SSBP3: variants seen among roughly 807,000 people sequenced by gnomAD.
SSBP3 encodes the protein single-stranded DNA-binding protein 3.
SSBP3 carries 5 observed loss-of-function variants against 69.6 expected under a neutral mutation model. The ratio of observed to expected loss-of-function variants is 0.07; its 90% CI spans 0.04 to 0.15. SSBP3 has a LOEUF of 0.15. Ranked by LOEUF, SSBP3 falls within the 10% of genes least tolerant of loss-of-function variation. The pLI is 1.00. For synonymous variants in SSBP3, 196 were observed against 193.4 expected, an observed-to-expected ratio of 1.01 and a Z score of -0.11; for missense variants, 312 against 534.0, an observed-to-expected ratio of 0.58 and a Z score of 4.10.
intron 5 of SSBP3, among the ~76,000 whole-genome samples, chr1:54,276,716 G>A (rs1200510350): frequency 6.7e-6 from 1 of 150,240 alleles, no homozygotes; most frequent in Non-Finnish European, 1.5e-5. Context: ...CAGAGTAACT[G>A]TTGTGGAACA....
Position 54,258,180 on chromosome 1 carries a change from A to G in SSBP3, c.367-31T>C, listed in dbSNP as rs1486969188. 2.4e-5 allele frequency: 36 copies of G among 1,519,400 alleles called. No individual in the cohort carries two copies. The highest frequency in any genetic ancestry group is 4.9e-5 in the East Asian group (2 of 41,202). The allele number at this position is 1,519,400 out of a possible 1,614,324, so 94.1% of individuals were successfully genotyped here. ...AGGCCAGACAGTAGAGGCAGGTTAT[A>G]GATCACAGCACATGGAGAAGCGCAG... is the stretch of plus-strand genomic sequence containing the variant. On this transcript the variant is annotated intron_variant, in intron 5 of 17. Transcript: ENST00000610401. The surrounding 1 kb of genome is among the most constrained non-coding windows in gnomAD (Gnocchi z 4.5).
chr1:54,397,330 CA>C (rs1389751941), intron 4 of SSBP3, among the ~76,000 whole-genome samples: 2 of 152,228 alleles, frequency 1.3e-5, no homozygotes. Context: ...GCAGGAACCT[CA>C]GCTCAGCACA....
intron 4 of SSBP3, among the ~76,000 whole-genome samples, chr1:54,322,338 G>C (rs1006409476): frequency 3.9e-5 from 6 of 152,206 alleles, no homozygotes; most frequent in African/African-American, 1.4e-4. Flanking sequence ...AGAGGCTTCA[G>C]TGGGTTGAGG....
chr1:54,308,591 A>C, intron 4 of SSBP3, among the ~76,000 whole-genome samples: 1 of 138,580 alleles, frequency 7.2e-6, no homozygotes, highest in African/African-American at 2.8e-5. Flanking sequence ...ACAGAGCGAG[A>C]CTCCATCTCA....
chr1:54,388,679 A>G (rs1283109830), intron 4 of SSBP3, among the ~76,000 whole-genome samples: 2 of 152,232 alleles, frequency 1.3e-5, no homozygotes, highest in African/African-American at 2.4e-5. Flanking sequence ...GCCTTGGGAT[A>G]TATCTGTAAG....
intron 3 of SSBP3, among the ~76,000 whole-genome samples, chr1:54,404,342 T>C (rs748846398): frequency 6.6e-6 from 1 of 152,238 alleles, no homozygotes; most frequent in Admixed American, 6.5e-5. Context: ...AAGGAGTTTC[T>C]ACCCCAACAC....
chr1:54,235,448 A>ATTT lies in SSBP3; in HGVS notation c.927+3678_927+3680dup, dbSNP rs71580002. On this transcript the variant is annotated intron_variant, in intron 14 of 17. Coordinates refer to ENST00000610401, the Ensembl canonical transcript of SSBP3. ...AGGCGTGTACCACCATGCCCGGCTGATTTTTTTTTTTTTTTTTTTTTTTTT... is the reference window on the plus strand; with the variant it reads ...AGGCGTGTACCACCATGCCCGGCTGATTTTTTTTTTTTTTTTTTTTTTTTTTTT... 8.6e-4 allele frequency among the ~76,000 whole-genome samples: 60 copies of ATTT among 69,922 alleles called. 2 individuals carry two copies. Among genetic ancestry groups the ATTT allele is most frequent in the Non-Finnish European group, 1.0e-3 (41 of 39,644 alleles). 45.9% of individuals were successfully genotyped at this position (69,922 alleles called of 152,430 possible).
intron 11 of SSBP3, 133 bp from the exon 12 acceptor site, chr1:54,241,642 C>A: frequency 1.1e-6 from 1 of 918,356 alleles, no homozygotes; most frequent in South Asian, 1.5e-5. Flanking sequence ...CCACTTGGTT[C>A]CCCTGGGAGG....
At chr1:54,363,472 A>G (rs536160723) in intron 4 of SSBP3, among the ~76,000 whole-genome samples, 1 of 152,330 alleles carries the variant, frequency 6.6e-6, no homozygotes, top group African/African-American at 2.4e-5. Flanking sequence ...CTGATGCCAC[A>G]TCGGACAGTT....
At chr1:54,329,878 G>A (rs1569832729) in intron 4 of SSBP3, among the ~76,000 whole-genome samples, 1 of 152,162 alleles carries the variant, frequency 6.6e-6, no homozygotes, top group Non-Finnish European at 1.5e-5. Context: ...GCTGGAGTAC[G>A]GAGGGGAGAG....
chr1:54,321,787 G>A (rs1348529967), intron 4 of SSBP3, among the ~76,000 whole-genome samples: 1 of 152,226 alleles, frequency 6.6e-6, no homozygotes, highest in Non-Finnish European at 1.5e-5. Flanking sequence ...AGCAGAATGA[G>A]GAAAAGGGAG....
chr1:54,370,342 T>C (rs1352939919), intron 4 of SSBP3, among the ~76,000 whole-genome samples: 2 of 152,224 alleles, frequency 1.3e-5, no homozygotes, highest in African/African-American at 4.8e-5. Context: ...TCACCTTGCA[T>C]GGCGATGCTA....
chr1:54,251,167 C>T (rs1249025383), intron 9 of SSBP3, among the ~76,000 whole-genome samples: 5 of 152,168 alleles, frequency 3.3e-5, no homozygotes, highest in African/African-American at 1.2e-4. Flanking sequence ...CAAGGACAGA[C>T]ACATGCTAAG....
chr1:54,409,208 C>T (rs1253488545), upstream of SSBP3, among the ~76,000 whole-genome samples: 1 of 152,158 alleles, frequency 6.6e-6, no homozygotes, highest in African/African-American at 2.4e-5. Flanking sequence ...CAGTTCCCTT[C>T]TTCTACCATC....
At chr1:54,379,017 CG>C (rs1647412982) in intron 4 of SSBP3, among the ~76,000 whole-genome samples, 1 of 152,226 alleles carries the variant, frequency 6.6e-6, no homozygotes, top group Admixed American at 6.5e-5. Context: ...GCCCCGCCAC[CG>C]CCTGGCCAGG....
intron 4 of SSBP3, among the ~76,000 whole-genome samples, chr1:54,336,359 C>CG (rs1278824328): frequency 1.3e-5 from 2 of 152,120 alleles, no homozygotes; most frequent in Admixed American, 1.3e-4. Context: ...CCCCAGCCCC[C>CG]GACTGCCTCT....
chr1:54,267,227 G>C (rs1190963490), intron 5 of SSBP3, among the ~76,000 whole-genome samples: 1 of 152,196 alleles, frequency 6.6e-6, no homozygotes, highest in Non-Finnish European at 1.5e-5. Context: ...GGGCTTTCCT[G>C]CTGGAGATTC....
At chr1:54,288,814 C>T (rs530845999) in intron 4 of SSBP3, among the ~76,000 whole-genome samples, 16 of 151,828 alleles carry the variant, frequency 1.1e-4, no homozygotes, top group South Asian at 6.2e-4. Context: ...GTCAGGAGAT[C>T]GAGACCATCC....
chr1:54,333,305 T>C (rs1646452991), intron 4 of SSBP3, among the ~76,000 whole-genome samples: 2 of 152,134 alleles, frequency 1.3e-5, no homozygotes, highest in Non-Finnish European at 2.9e-5. Flanking sequence ...TCCTGGCCAT[T>C]TGGTGTGCAG....
Sources: allele counts gnomAD v4.1 joint callset (sites outside exome capture counted in the v4.1 genomes callset), GRCh38; gene constraint gnomAD v4.1.1; non-coding constraint Gnocchi (gnomAD v3.1); transcripts MANE v1.5; gene names NCBI Gene and HGNC (gene_info 2026-07-23, HGNC 2026-07-21).